Variants in PALM observed in about 807,000 individuals in gnomAD.
The protein encoded by PALM is paralemmin.
Under a neutral mutation model 30.7 loss-of-function variants are expected in PALM, and 18 were observed. The ratio of observed to expected loss-of-function variants is 0.59; its 90% CI spans 0.41 to 0.87. The LOEUF is 0.87. Among genes scored for constraint, PALM ranks in the 40% least tolerant of loss-of-function variants. PALM has a pLI of 0.00. For synonymous variants in PALM, 286 were observed against 242.8 expected (o/e 1.18, Z -1.66); for missense variants, 529 against 555.4 (o/e 0.95, Z 0.48).
rs115382485 is a variant in PALM, at chr19:735,034, A to G, written c.442+840A>G. 4.8e-3 allele frequency: 4,715 copies of G among 983,346 alleles called. 181 individuals are homozygous for G. The African/African-American group carries it at 0.075, about 16-fold the overall frequency. 60.9% of individuals were successfully genotyped at this position (983,346 alleles called of 1,614,324 possible). On this transcript the variant is annotated intron_variant, in intron 6 of 8. Coordinates refer to ENST00000338448, the MANE Select transcript of PALM (RefSeq NM_002579.3). ...GACAGGCCTCTCAGGGATTTTGTGA[A>G]AATCACTGGGCTGAGGATGAGGAAT...
intron 6 of PALM, 67 bp from the exon 7 acceptor site, chr19:735,952 G>T: frequency 1.4e-6 from 2 of 1,383,314 alleles, no homozygotes; most frequent in South Asian, 1.2e-5. Context: ...GCGTTGGGCT[G>T]TCTGGGGGGT....
chr19:745,032 C>T (rs2033298729), intron 8 of PALM, among the ~76,000 whole-genome samples: 1 of 151,826 alleles, frequency 6.6e-6, no homozygotes, highest in East Asian at 1.9e-4. Context: ...GTACAAAAAT[C>T]AGCCTGGTGT....
rs1381627131 is a variant in PALM at position 746,557 on chromosome 19, A to G, written c.907A>G (p.Met303Val). The change falls in exon 9 of 9, where the codon ATG (methionine) becomes GTG (valine). Residue 303 changes from methionine (M) to valine (V), a missense_variant. Transcript: ENST00000338448. This position sits in a 1 kb window ranked among gnomAD's most constrained non-coding sequence, Gnocchi z 7.1. ...GQEPPVTMIFMGYQNVEDEAE... is the reference protein window; with the variant it reads ...GQEPPVTMIFVGYQNVEDEAE... ...GGAGCCCCCGGTCACAATGATCTTCATGGGTTACCAGAACGTGGAGGATGA... is the reference window on the plus strand; with the variant it reads ...GGAGCCCCCGGTCACAATGATCTTCGTGGGTTACCAGAACGTGGAGGATGA... 9 of 1,613,060 alleles carry G rather than the reference A, an allele frequency of 5.6e-6. No homozygotes were observed. The highest frequency in any genetic ancestry group is 7.6e-6 in the Non-Finnish European group (9 of 1,179,860).
At position 734,183 on chromosome 19, in the gene PALM, G is replaced by T; in HGVS notation, c.431G>T (p.Gly144Val). 3 of 1,613,798 alleles carry T rather than the reference G, an allele frequency of 1.9e-6. No homozygotes were observed. Among genetic ancestry groups the T allele is most frequent in the Non-Finnish European group, 2.5e-6 (3 of 1,179,858 alleles). ...TCTTCTTTCTTGCAGACGCCGGTGGGCACGCCCAAAGGTAGGACCTCTGGA... is the reference window on the plus strand; with the variant it reads ...TCTTCTTTCTTGCAGACGCCGGTGGTCACGCCCAAAGGTAGGACCTCTGGA... ...VVMNSQQTPV[G>V]TPKDKRVSNT... The change falls in exon 6 of 9, where the codon GGC (glycine) becomes GTC (valine). Residue 144 changes from glycine (G) to valine (V), a missense_variant. Coordinates refer to ENST00000338448, the MANE Select transcript of PALM (RefSeq NM_002579.3).
chr19:726,708 G>A (rs1176018426), intron 2 of PALM, among the ~76,000 whole-genome samples: 3 of 152,210 alleles, frequency 2.0e-5, no homozygotes, highest in Non-Finnish European at 2.9e-5. Context: ...TCACCATGTT[G>A]GCCAGGCTGG....
At chr19:726,985 A>AAC in intron 2 of PALM, 23 bp from the exon 3 acceptor site, 13 of 945,348 alleles carry the variant, frequency 1.4e-5, no homozygotes, top group East Asian at 6.1e-5. Context: ...CCCATCCCTG[A>AAC]CCCCACCCGG....
chr19:712,885 A>C (rs1034700492), intron 1 of PALM, among the ~76,000 whole-genome samples: 3 of 152,198 alleles, frequency 2.0e-5, no homozygotes, highest in African/African-American at 7.2e-5. Flanking sequence ...CATGTTGGGC[A>C]GGCTGGTCTC....
intron 8 of PALM, among the ~76,000 whole-genome samples, chr19:743,394 C>T (rs986805590): frequency 1.2e-4 from 18 of 152,286 alleles, no homozygotes; most frequent in Middle Eastern, 3.4e-3. Context: ...GCAGGTGATC[C>T]GTTTCCATGG....
chr19:726,966 A>AGCGGGCC, intron 2 of PALM, 42 bp from the exon 3 acceptor site: 1 of 1,148,846 alleles, frequency 8.7e-7, no homozygotes, highest in Non-Finnish European at 1.2e-6. Flanking sequence ...GGTCTCCGGG[A>AGCGGGCC]CCCCCACGCC....
intron 1 of PALM, chr19:719,291 G>A: frequency 1.3e-5 from 13 of 985,316 alleles, no homozygotes; most frequent in Non-Finnish European, 1.6e-5. Flanking sequence ...CAACACCAAC[G>A]CCCCGCACCG....
rs548681798 is a variant in PALM, at chr19:739,403, G to C, written c.503-949G>C. On this transcript the variant is annotated intron_variant, in intron 7 of 8. Coordinates refer to ENST00000338448, the MANE Select transcript of PALM (RefSeq NM_002579.3). ...TCCTCTGAGAAACCAGGAATGGTGG[G>C]GCTCGAGGGCTCACGTTTATAATCC... 2.0e-5 allele frequency among the ~76,000 whole-genome samples: 3 copies of C among 152,276 alleles called. No individual in the cohort carries two copies. The South Asian group carries it at 6.2e-4, about 32-fold the overall frequency.
In PALM at chr19:731,178, T is replaced by C; in HGVS notation, c.353T>C (p.Val118Ala). The change falls in exon 5 of 9, where the codon GTC (valine) becomes GCC (alanine). Residue 118 changes from valine (V) to alanine (A), a missense_variant. Physicochemically the swap from Val to Ala is moderately conservative, Grantham distance 64 (BLOSUM62 0). Coordinates refer to ENST00000338448, the MANE Select transcript of PALM (RefSeq NM_002579.3). ...GAGAACGCGGCGGCCCCGAGCCCAG[T>C]CCGGGCCCCAGCCCCGAGTCCAGCC... is the stretch of plus-strand genomic sequence containing the variant. ...AKENAAAPSPVRAPAPSPAKE... is the reference protein window; with the variant it reads ...AKENAAAPSPARAPAPSPAKE... The C allele has an allele frequency of 5.0e-6, 8 of 1,609,972 alleles. No homozygotes were observed. Among genetic ancestry groups the C allele is most frequent in the Non-Finnish European group, 6.8e-6 (8 of 1,178,774 alleles).
At chr19:745,309 CCTT>C (rs2033307110) in intron 8 of PALM, among the ~76,000 whole-genome samples, 2 of 152,326 alleles carry the variant, frequency 1.3e-5, no homozygotes, top group African/African-American at 4.8e-5. Flanking sequence ...CAGCTGTGTC[CCTT>C]CTTTGAACTT....
At chr19:723,677 G>T (rs766121471) in intron 1 of PALM, among the ~76,000 whole-genome samples, 1 of 152,060 alleles carries the variant, frequency 6.6e-6, no homozygotes, top group Admixed American at 6.6e-5. Flanking sequence ...TGCAACCTCC[G>T]CCTCCTGGGT....
intron 1 of PALM, among the ~76,000 whole-genome samples, chr19:715,951 G>C (rs912530141): frequency 2.0e-5 from 3 of 152,140 alleles, no homozygotes; most frequent in Admixed American, 2.0e-4. Context: ...CTAGGAGGAT[G>C]GCTGCGTGGA....
chr19:711,175 A>G (rs754616236), intron 1 of PALM: 1 of 983,770 alleles, frequency 1.0e-6, no homozygotes, highest in Non-Finnish European at 1.2e-6. Flanking sequence ...GCGGGTTGCT[A>G]ACCACAGGGC....
At chr19:734,098 C>T in intron 5 of PALM, 75 bp from the exon 6 acceptor site, 1 of 1,441,200 alleles carries the variant, frequency 6.9e-7, no homozygotes, top group South Asian at 1.1e-5. Context: ...CCTCCCCAGG[C>T]TCCTGACCCC....
At chr19:727,753 C>G in intron 4 of PALM, 59 bp downstream of exon 4, 1 of 1,469,714 alleles carries the variant, frequency 6.8e-7, no homozygotes, top group Non-Finnish European at 9.1e-7. Flanking sequence ...CCGCTGGCTC[C>G]CGGGAGGGTG....
At chr19:740,735 G>A (rs548614647) in intron 8 of PALM, among the ~76,000 whole-genome samples, 60 of 152,352 alleles carry the variant, frequency 3.9e-4, no homozygotes, top group Admixed American at 3.9e-3. Context: ...CGGGCACCAG[G>A]TACCCAGCTG....
Sources: allele counts gnomAD v4.1 joint callset (sites outside exome capture counted in the v4.1 genomes callset), GRCh38; gene constraint gnomAD v4.1.1; non-coding constraint Gnocchi (gnomAD v3.1); transcripts MANE v1.5; gene names NCBI Gene and HGNC (gene_info 2026-07-23, HGNC 2026-07-21).